Variants in PTPRN2 observed in about 807,000 individuals in gnomAD.
PTPRN2 encodes the protein protein tyrosine phosphatase receptor type N2, also known as receptor-type tyrosine-protein phosphatase N2.
A neutral mutation model predicts 118.8 loss-of-function variants in PTPRN2; 74 were observed. That is an observed-to-expected ratio of 0.62 (90% CI 0.52 to 0.76). PTPRN2 has a LOEUF of 0.76. Ranked by LOEUF, PTPRN2 falls within the 30% of genes least tolerant of loss-of-function variation. PTPRN2 has a pLI of 0.00. For missense variants in PTPRN2, 1,481 were observed against 1,394.4 expected (o/e 1.06, Z -0.99); for synonymous variants, 641 against 608.0 (o/e 1.05, Z -0.80).
At chr7:157,703,121 ATG>A (rs1453258335) in intron 12 of PTPRN2, among the ~76,000 whole-genome samples, 2 of 152,236 alleles carry the variant, frequency 1.3e-5, no homozygotes, top group Admixed American at 6.5e-5. Context: ...CATTCTTGAA[ATG>A]TCAGTGTGGC....
intron 5 of PTPRN2, among the ~76,000 whole-genome samples, chr7:158,178,319 C>A (rs1309123812): frequency 6.6e-6 from 1 of 152,040 alleles, no homozygotes; most frequent in Non-Finnish European, 1.5e-5. Flanking sequence ...ACATTGTACC[C>A]AATATGTAGG....
In PTPRN2 at chr7:157,632,671, G is replaced by C. The variant is rs1804034793; in HGVS notation, c.2197-11162C>G. Among the ~76,000 whole-genome samples, 1 of 152,090 alleles carries C rather than the reference G, an allele frequency of 6.6e-6. No homozygotes were observed. The highest frequency in any genetic ancestry group is 1.5e-5 in the Non-Finnish European group (1 of 68,022). On this transcript the variant is annotated intron_variant, in intron 14 of 22. Transcript: ENST00000389418. The surrounding 1 kb of genome is among the most constrained non-coding windows in gnomAD (Gnocchi z 4.3). ...TTTAATAATGGGGATGATGACAGAG[G>C]CATCACTTTGTATTTCAGGCTGTCA...
intron 3 of PTPRN2, among the ~76,000 whole-genome samples, chr7:158,209,838 A>G (rs905826149): frequency 3.3e-4 from 51 of 152,364 alleles, no homozygotes; most frequent in Non-Finnish European, 7.1e-4. Context: ...AACTGAAATT[A>G]TATCAAGTAT....
intron 12 of PTPRN2, among the ~76,000 whole-genome samples, chr7:157,773,038 C>A (rs1242813785): frequency 6.6e-6 from 1 of 152,226 alleles, no homozygotes; most frequent in African/African-American, 2.4e-5. Context: ...ACTCCCAGAA[C>A]TGGATCCAGG....
chr7:158,198,672 C>T (rs1826401965), intron 4 of PTPRN2, among the ~76,000 whole-genome samples: 1 of 152,086 alleles, frequency 6.6e-6, no homozygotes, highest in Admixed American at 6.5e-5. Flanking sequence ...TTCTCAGGTC[C>T]TCCTTAGCCC....
chr7:157,760,663 T>TGACCG (rs1802076430), intron 12 of PTPRN2, among the ~76,000 whole-genome samples: 1 of 151,908 alleles, frequency 6.6e-6, no homozygotes, highest in Non-Finnish European at 1.5e-5. Context: ...GCGGTCACAG[T>TGACCG]CTCCACTGAC....
intron 2 of PTPRN2, among the ~76,000 whole-genome samples, chr7:158,365,953 T>C (rs1809449269): frequency 7.8e-6 from 1 of 128,470 alleles, no homozygotes; most frequent in African/African-American, 3.0e-5. Flanking sequence ...AATGCACACA[T>C]GCACATGCAC....
intron 1 of PTPRN2, among the ~76,000 whole-genome samples, chr7:158,579,731 A>G (rs1828527816): frequency 6.6e-6 from 1 of 152,252 alleles, no homozygotes; most frequent in African/African-American, 2.4e-5. Flanking sequence ...ACTCTGCTAG[A>G]ATCCTCTTTC....
At position 157,632,174 on chromosome 7, in the gene PTPRN2, G is replaced by C. The variant is rs1422089068; in HGVS notation, c.2197-10665C>G. Among the ~76,000 whole-genome samples the C allele has an allele frequency of 2.0e-5, 3 of 152,134 alleles. No individual in the cohort carries two copies. The highest frequency in any genetic ancestry group is 7.2e-5 in the African/African-American group (3 of 41,424). On this transcript the variant is annotated intron_variant, in intron 14 of 22. Transcript: ENST00000389418. The surrounding 1 kb of genome is among the most constrained non-coding windows in gnomAD (Gnocchi z 4.3). ...GTTGTAAGAAATCACACTGACAAAGGAGTTCTTACACAATGCCCAGGTGAC... is the reference window on the plus strand; with the variant it reads ...GTTGTAAGAAATCACACTGACAAAGCAGTTCTTACACAATGCCCAGGTGAC...
At position 158,192,560 on chromosome 7, in the gene PTPRN2, CCT is replaced by C. The variant is rs1352971841; in HGVS notation, c.381-67_381-66del. On this transcript the variant is annotated intron_variant, in intron 4 of 22. Transcript: ENST00000389418. ...GCTGGTGCCTGGAGCTGCTCTGTCC[CCT>C]GTGGTGCCTGGGTGCATGCAAGGGG... 4.0e-6 allele frequency: 6 copies of C among 1,498,914 alleles called. No homozygotes were observed. The East Asian group carries it at 1.3e-4, about 32-fold the overall frequency. The allele number at this position is 1,498,914 out of a possible 1,614,324, so 92.9% of individuals were successfully genotyped here. A position where few individuals can be genotyped will look rare whatever the true frequency, so the allele number is the denominator to read the frequency against.
chr7:158,085,390 A>C (rs1330965368), intron 10 of PTPRN2, among the ~76,000 whole-genome samples: 1 of 16,372 alleles, frequency 6.1e-5, no homozygotes, highest in African/African-American at 1.0e-4. Context: ...ATGCCCATCC[A>C]CACCCACGAC....
At chr7:157,704,132 T>A (rs544302229) in intron 12 of PTPRN2, among the ~76,000 whole-genome samples, 1 of 152,292 alleles carries the variant, frequency 6.6e-6, no homozygotes, top group Admixed American at 6.5e-5. Flanking sequence ...TACACTGCCA[T>A]GGTTTAGAGG....
intron 11 of PTPRN2, chr7:158,028,938 C>T: frequency 6.6e-6 from 1 of 152,560 alleles, no homozygotes; most frequent in Non-Finnish European, 1.5e-5. Flanking sequence ...CACGGCCAGG[C>T]CAGAACCACC....
intron 12 of PTPRN2, 56 bp downstream of exon 12, chr7:157,898,617 A>G: frequency 6.7e-7 from 1 of 1,494,162 alleles, no homozygotes; most frequent in Non-Finnish European, 9.3e-7. Flanking sequence ...GGTGTTCGCC[A>G]GCACCCAGAC....
chr7:158,252,077 G>A (rs1585990035), intron 3 of PTPRN2, among the ~76,000 whole-genome samples: 1 of 152,152 alleles, frequency 6.6e-6, no homozygotes, highest in African/African-American at 2.4e-5. Flanking sequence ...ACACAAAGTT[G>A]GTCCCTCCAT....
At position 157,617,764 on chromosome 7, in the gene PTPRN2, T is replaced by A. The variant is rs1265928573; in HGVS notation, c.2344+3598A>T. The A allele has an allele frequency of 1.3e-5, 2 of 152,328 alleles. No homozygotes were observed. Among genetic ancestry groups the A allele is most frequent in the Admixed American group, 6.5e-5 (1 of 15,290 alleles). The allele number at this position is 152,328 out of a possible 1,614,324, so 9.4% of individuals were successfully genotyped here. A position where few individuals can be genotyped will look rare whatever the true frequency, so the allele number is the denominator to read the frequency against. Reference sequence around the variant, plus strand: ...CAATGCCCTCAGAAGCTGGGAGATGTGAACCCCACATGACTCTCCTCCTTG... The same window carrying A: ...CAATGCCCTCAGAAGCTGGGAGATGAGAACCCCACATGACTCTCCTCCTTG... On this transcript the variant is annotated intron_variant, in intron 15 of 22. Transcript: ENST00000389418. The surrounding 1 kb of genome is among the most constrained non-coding windows in gnomAD (Gnocchi z 7.5).
chr7:158,337,715 C>G (rs1334594238), intron 2 of PTPRN2, among the ~76,000 whole-genome samples: 3 of 147,572 alleles, frequency 2.0e-5, no homozygotes, highest in Admixed American at 6.8e-5. Context: ...TAAGAGCTGA[C>G]GCCCGCAGAC....
chr7:158,150,194 C>A (rs1820826312), intron 6 of PTPRN2, among the ~76,000 whole-genome samples: 3 of 152,206 alleles, frequency 2.0e-5, no homozygotes, highest in South Asian at 2.1e-4. Context: ...GTGTGTGAGA[C>A]CCACCTTCAT....
Position 157,990,424 on chromosome 7 carries a change from C to A in PTPRN2, c.1723+90874G>T, listed in dbSNP as rs150306999. ...GTGGCCTCCAGGGGCTCCAAGTCCT[C>A]TGGGATCCAGGTTCTCCTTCCTTCA... On this transcript the variant is annotated intron_variant, in intron 11 of 22. Coordinates refer to ENST00000389418, the MANE Select transcript of PTPRN2 (RefSeq NM_002847.5). This position sits in a 1 kb window ranked among gnomAD's most constrained non-coding sequence, Gnocchi z 4.3. Among the ~76,000 whole-genome samples the A allele has an allele frequency of 3.9e-5, 6 of 152,164 alleles. No individual in the cohort carries two copies. The highest frequency in any genetic ancestry group is 7.2e-5 in the African/African-American group (3 of 41,426).
Sources: allele counts gnomAD v4.1 joint callset (sites outside exome capture counted in the v4.1 genomes callset), GRCh38; gene constraint gnomAD v4.1.1; non-coding constraint Gnocchi (gnomAD v3.1); transcripts MANE v1.5; gene names NCBI Gene and HGNC (gene_info 2026-07-23, HGNC 2026-07-21).